The following ZBBX variants were observed in gnomAD, a reference collection of about 807,000 sequenced individuals.
ZBBX encodes the protein zinc finger B-box domain containing.
In ZBBX, 101 loss-of-function variants were observed where a neutral mutation model predicts 108.5. That is an observed-to-expected ratio of 0.93 (90% CI 0.79 to 1.10). The LOEUF (loss-of-function observed/expected upper bound fraction) is 1.10, where lower values mean the gene tolerates loss of function less well. Ranked by LOEUF, ZBBX falls within the 50% of genes least tolerant of loss-of-function variation. The pLI is 0.00. For missense variants in ZBBX, 1,009 were observed against 941.4 expected, an observed-to-expected ratio of 1.07 and a Z score of -0.94; for synonymous variants, 356 against 323.4, an observed-to-expected ratio of 1.10 and a Z score of -1.08.
At chr3:167,397,297 C>A (rs561509844) in intron 1 of ZBBX, among the ~76,000 whole-genome samples, 46 of 151,554 alleles carry the variant, frequency 3.0e-4, no homozygotes, top group Non-Finnish European at 6.2e-4. Context: ...AATGAAGAAC[C>A]CCACCCTGAG....
chr3:167,206,382 T>C, the ZBBX span, among the ~76,000 whole-genome samples: 1 of 152,116 alleles, frequency 6.6e-6, no homozygotes, highest in Non-Finnish European at 1.5e-5. Flanking sequence ...ATTTATTCAT[T>C]CATCTGTTGA....
At chr3:167,247,287 C>T (rs1245633473) in intron 20 of ZBBX, among the ~76,000 whole-genome samples, 2 of 152,124 alleles carry the variant, frequency 1.3e-5, no homozygotes, top group Admixed American at 6.5e-5. Context: ...CACTGACAGA[C>T]TCTGGCACAC....
At chr3:167,305,046 T>C (rs7635118) in intron 17 of ZBBX, among the ~76,000 whole-genome samples, 2,988 of 152,214 alleles carry the variant, frequency 0.02, 111 homozygotes, top group African/African-American at 0.069. Context: ...AATGTATTAT[T>C]AATAATTACA....
Position 167,240,320 on chromosome 3 carries a change from C to G in ZBBX, c.*473G>C, listed in dbSNP as rs781156064. 6.6e-6 allele frequency: 1 copy of G among 152,182 alleles called. No individual in the cohort carries two copies. The highest frequency in any genetic ancestry group is 2.4e-5 in the African/African-American group (1 of 41,402). The allele number at this position is 152,182 out of a possible 1,614,324, so 9.4% of individuals were successfully genotyped here. A position where few individuals can be genotyped will look rare whatever the true frequency, so the allele number is the denominator to read the frequency against. ...TTGGTCCTCTTTTTTTCTTTTATTG[C>G]AAATTTTTGAAGATACCAGAACTTC... On this transcript the variant is annotated 3_prime_UTR_variant, in exon 22 of 22. Coordinates refer to ENST00000675490, the MANE Select transcript of ZBBX (RefSeq NM_001199201.2).
At chr3:167,200,996 G>A in the ZBBX span, among the ~76,000 whole-genome samples, 3 of 152,072 alleles carry the variant, frequency 2.0e-5, no homozygotes, top group African/African-American at 7.2e-5. Context: ...CCAATGATAG[G>A]CATCATGAGC....
At chr3:167,366,014 A>C (rs753029090) in intron 5 of ZBBX, 38 bp from the exon 6 acceptor site, 1 of 1,453,356 alleles carries the variant, frequency 6.9e-7, no homozygotes, top group South Asian at 1.2e-5. Flanking sequence ...GTAATCACTA[A>C]ACACATTTCT....
the ZBBX span, among the ~76,000 whole-genome samples, chr3:167,180,132 G>A: frequency 1.3e-5 from 2 of 152,044 alleles, 1 homozygote; most frequent in African/African-American, 4.8e-5. Context: ...GTGAATGCTG[G>A]GTTGAAAAAA....
At chr3:167,191,926 T>TAGAGAGAGAGAGAGAG in the ZBBX span, among the ~76,000 whole-genome samples, 1 of 127,416 alleles carries the variant, frequency 7.8e-6, no homozygotes, top group African/African-American at 3.3e-5. Flanking sequence ...TATATATATA[T>TAGAGAGAGAGAGAGAG]ATATATATAG....
chr3:167,397,141 G>T (rs893762790), intron 1 of ZBBX, among the ~76,000 whole-genome samples: 1 of 44,478 alleles, frequency 2.2e-5, no homozygotes, highest in Non-Finnish European at 4.5e-5. Context: ...GTTCTTGGTG[G>T]TAAAAAAAAA....
intron 8 of ZBBX, among the ~76,000 whole-genome samples, chr3:167,355,806 C>A (rs1394287780): frequency 6.6e-6 from 1 of 151,924 alleles, no homozygotes; most frequent in Non-Finnish European, 1.5e-5. Flanking sequence ...AAATAACATT[C>A]TTTCTCAAAA....
intron 20 of ZBBX, among the ~76,000 whole-genome samples, chr3:167,246,970 C>G (rs1471630774): frequency 6.6e-6 from 1 of 152,170 alleles, no homozygotes; most frequent in Non-Finnish European, 1.5e-5. Context: ...CCAAGAACAT[C>G]TTACTGTATG....
At chr3:167,191,828 G>A in the ZBBX span, among the ~76,000 whole-genome samples, 2 of 142,456 alleles carry the variant, frequency 1.4e-5, no homozygotes, top group Admixed American at 7.4e-5. Flanking sequence ...CTAGTAGTAC[G>A]CTTTACTTGT....
At chr3:167,224,062 G>A in the ZBBX span, among the ~76,000 whole-genome samples, 3 of 151,848 alleles carry the variant, frequency 2.0e-5, no homozygotes, top group Non-Finnish European at 4.4e-5. Flanking sequence ...CATAGCGGGT[G>A]GGAAACAAGA....
At chr3:167,281,256 T>TAATA (rs896967858) in intron 20 of ZBBX, among the ~76,000 whole-genome samples, 2 of 152,080 alleles carry the variant, frequency 1.3e-5, no homozygotes, top group South Asian at 2.1e-4. Context: ...AGTATAATAA[T>TAATA]AATAAATAAA....
chr3:167,195,773 T>G, the ZBBX span, among the ~76,000 whole-genome samples: 1 of 152,348 alleles, frequency 6.6e-6, no homozygotes, highest in South Asian at 2.1e-4. Context: ...CCAAGCCATC[T>G]CTACCTGCCA....
Position 167,282,402 on chromosome 3 carries a change from G to C in ZBBX, c.2090C>G (p.Ser697Ter). Residue 697 changes from serine to a stop codon, truncating the protein, a stop_gained, in exon 20 of 22, where the codon TCA becomes TGA. Transcript: ENST00000675490. LOFTEE classifies it high-confidence loss of function. ...SSCLSSSHPRSRSAAAQSSSR... is the reference protein window; with the variant it reads ...SSCLSSSHPR Reference sequence around the variant, plus strand: ...TGATGATTGAGCAGCTGCACTTCTTGATCGAGGATGAGAGGATGAAAGGCA... The same window carrying C: ...TGATGATTGAGCAGCTGCACTTCTTCATCGAGGATGAGAGGATGAAAGGCA... 6.2e-7 allele frequency: 1 copy of C among 1,614,116 alleles called. No individual in the cohort carries two copies. Among genetic ancestry groups the C allele is most frequent in the Non-Finnish European group, 8.5e-7 (1 of 1,179,998 alleles).
chr3:167,190,787 G>A, the ZBBX span, among the ~76,000 whole-genome samples: 3 of 152,210 alleles, frequency 2.0e-5, no homozygotes, highest in Non-Finnish European at 4.4e-5. Flanking sequence ...ACCAAAATGA[G>A]TTGAGGTGGG....
At position 167,281,820 on chromosome 3, in the gene ZBBX, C is replaced by G. The variant is rs374241697; in HGVS notation, c.2254+418G>C. 5.5e-4 allele frequency among the ~76,000 whole-genome samples: 84 copies of G among 152,140 alleles called. 1 individual carries two copies. The highest frequency in any genetic ancestry group is 5.9e-4 in the Admixed American group (9 of 15,258). On this transcript the variant is annotated intron_variant, in intron 20 of 21. Coordinates refer to ENST00000675490, the MANE Select transcript of ZBBX (RefSeq NM_001199201.2). ...ATGGTGACAAGATCCCCTGAATGATCTGTATAAACATTTAAGCTTGAAAAG... is the reference window on the plus strand; with the variant it reads ...ATGGTGACAAGATCCCCTGAATGATGTGTATAAACATTTAAGCTTGAAAAG...
intron 18 of ZBBX, among the ~76,000 whole-genome samples, chr3:167,297,728 G>A (rs1731915424): frequency 6.6e-6 from 1 of 151,802 alleles, no homozygotes; most frequent in Non-Finnish European, 1.5e-5. Flanking sequence ...CTAAGGAATT[G>A]AATAGACATT....
Sources: gnomAD v4.1 joint callset for allele counts (sites outside exome capture counted in the v4.1 genomes callset) on GRCh38, gnomAD v4.1.1 for gene constraint, MANE v1.5 for transcripts, NCBI Gene and HGNC (gene_info 2026-07-23, HGNC 2026-07-21) for gene names.